The following MSRA variants were observed in gnomAD, a reference collection of about 807,000 sequenced individuals.
MSRA encodes the protein mitochondrial peptide methionine sulfoxide reductase.
MSRA carries 54 observed loss-of-function variants against 31.3 expected under a neutral mutation model. The ratio of observed to expected loss-of-function variants is 1.73; its 90% CI spans 1.39 to 2.17. MSRA has a LOEUF of 2.17. Ranked by LOEUF, MSRA falls within the 30% of genes most tolerant of loss-of-function variation. The pLI is 0.00. For synonymous variants in MSRA, 169 were observed against 116.5 expected (o/e 1.45, Z -2.90); for missense variants, 507 against 300.9 (o/e 1.69, Z -5.07).
chr8:10,398,313 T>C (rs1204472452), intron 5 of MSRA, among the ~76,000 whole-genome samples: 1 of 152,230 alleles, frequency 6.6e-6, no homozygotes, highest in Non-Finnish European at 1.5e-5. Context: ...AGGGCTGGAT[T>C]CTGCCTTTAT....
At chr8:10,170,042 ATTT>A (rs59946635) in intron 1 of MSRA, among the ~76,000 whole-genome samples, 1 of 90,380 alleles carries the variant, frequency 1.1e-5, no homozygotes, top group Non-Finnish European at 2.2e-5. Flanking sequence ...CCTGGCTAAT[ATTT>A]TTTTTTTTTT....
chr8:10,102,744 A>T (rs1300293074), intron 1 of MSRA, among the ~76,000 whole-genome samples: 1 of 152,150 alleles, frequency 6.6e-6, no homozygotes, highest in Non-Finnish European at 1.5e-5. Flanking sequence ...CTTCTCTGAC[A>T]CTGTGCTAGC....
At chr8:10,083,474 T>C (rs1798391255) in intron 1 of MSRA, among the ~76,000 whole-genome samples, 1 of 152,212 alleles carries the variant, frequency 6.6e-6, no homozygotes, top group Non-Finnish European at 1.5e-5. Context: ...ATATTTGATA[T>C]CCACGGAAAT....
chr8:10,247,474 G>T (rs573968057), intron 3 of MSRA, among the ~76,000 whole-genome samples: 1 of 152,110 alleles, frequency 6.6e-6, no homozygotes, highest in Non-Finnish European at 1.5e-5. Flanking sequence ...AATTATATTA[G>T]TGTGCTTTTA....
In MSRA at chr8:10,085,686, T is replaced by C. The variant is rs552095076; in HGVS notation, c.142+31028T>C. 1.3e-3 allele frequency among the ~76,000 whole-genome samples: 192 copies of C among 152,362 alleles called. 1 individual carries two copies. Among genetic ancestry groups the C allele is most frequent in the Non-Finnish European group, 2.0e-3 (133 of 68,030 alleles). On this transcript the variant is annotated intron_variant, in intron 1 of 5. Transcript: ENST00000317173. Reference sequence around the variant, plus strand: ...GTTTGTACAGTTGTGAAACCATCAATGCTGTCCAGTTTTAGAACACTGTCA... The same window carrying C: ...GTTTGTACAGTTGTGAAACCATCAACGCTGTCCAGTTTTAGAACACTGTCA...
At chr8:10,207,962 T>A in intron 2 of MSRA, 61 bp downstream of exon 2, 1 of 1,404,562 alleles carries the variant, frequency 7.1e-7, no homozygotes, top group South Asian at 1.3e-5. Context: ...CCAAATTTCT[T>A]AGTTTTAGCA....
chr8:10,073,291 C>T (rs1247148514), intron 1 of MSRA, among the ~76,000 whole-genome samples: 1 of 152,114 alleles, frequency 6.6e-6, no homozygotes, highest in African/African-American at 2.4e-5. Context: ...GGTAGTTCCT[C>T]TTTATTCCTA....
intron 5 of MSRA, among the ~76,000 whole-genome samples, chr8:10,333,555 C>G (rs919546731): frequency 6.6e-6 from 1 of 152,142 alleles, no homozygotes; most frequent in Non-Finnish European, 1.5e-5. Flanking sequence ...GTTGACCTGT[C>G]TAAGCCTAGG....
At chr8:10,226,144 C>T (rs929516683) in intron 2 of MSRA, among the ~76,000 whole-genome samples, 2 of 152,188 alleles carry the variant, frequency 1.3e-5, no homozygotes, top group Non-Finnish European at 2.9e-5. Flanking sequence ...ATTTCTACAG[C>T]AGGTGACTGT....
At chr8:10,282,781 C>G (rs938326469) in intron 3 of MSRA, among the ~76,000 whole-genome samples, 7 of 152,134 alleles carry the variant, frequency 4.6e-5, no homozygotes, top group African/African-American at 1.7e-4. Flanking sequence ...TATCAGTGCA[C>G]CTTCTTGACA....
intron 2 of MSRA, among the ~76,000 whole-genome samples, chr8:10,211,705 T>C (rs1453666208): frequency 6.6e-6 from 1 of 152,100 alleles, no homozygotes; most frequent in Non-Finnish European, 1.5e-5. Flanking sequence ...GGCCGAGGCT[T>C]CCTCAGGTAT....
intron 1 of MSRA, among the ~76,000 whole-genome samples, chr8:10,111,273 C>T (rs920831284): frequency 1.3e-5 from 2 of 152,132 alleles, no homozygotes; most frequent in African/African-American, 4.8e-5. Flanking sequence ...TTCGGGTCTC[C>T]AGAGCACTTA....
intron 4 of MSRA, among the ~76,000 whole-genome samples, chr8:10,309,327 G>T (rs556528113): frequency 6.6e-6 from 1 of 152,272 alleles, no homozygotes; most frequent in African/African-American, 2.4e-5. Context: ...GGAGCCTGCC[G>T]TGCAGAGCGT....
At chr8:10,151,261 CAAAAAA>C (rs34388218) in intron 1 of MSRA, among the ~76,000 whole-genome samples, 116 of 109,134 alleles carry the variant, frequency 1.1e-3, no homozygotes, top group African/African-American at 3.2e-3. Flanking sequence ...GAGTCTGTCT[CAAAAAA>C]AAAAAAAAAA....
chr8:10,347,916 G>T (rs914150813), intron 5 of MSRA, among the ~76,000 whole-genome samples: 3 of 152,190 alleles, frequency 2.0e-5, no homozygotes, highest in Non-Finnish European at 2.9e-5. Flanking sequence ...ACTACGCTGT[G>T]CTGTAGTGAT....
chr8:10,101,035 A>G (rs984312237), intron 1 of MSRA, among the ~76,000 whole-genome samples: 14 of 152,246 alleles, frequency 9.2e-5, no homozygotes, highest in Admixed American at 7.2e-4. Context: ...TCAAAGACCC[A>G]GGAGTGTTTC....
intron 5 of MSRA, among the ~76,000 whole-genome samples, chr8:10,425,090 C>T (rs999456609): frequency 2.6e-5 from 4 of 151,920 alleles, no homozygotes; most frequent in African/African-American, 9.7e-5. Context: ...TCCCTTTCCC[C>T]TTCTTTCGCA....
intron 1 of MSRA, among the ~76,000 whole-genome samples, chr8:10,153,212 A>G (rs982811119): frequency 6.6e-6 from 1 of 152,200 alleles, no homozygotes; most frequent in African/African-American, 2.4e-5. Context: ...TTAAGGATAG[A>G]CAGCAGATGG....
chr8:10,299,782 A>G (rs1485464988), intron 3 of MSRA, among the ~76,000 whole-genome samples: 1 of 152,226 alleles, frequency 6.6e-6, no homozygotes, highest in East Asian at 1.9e-4. Context: ...TGCCAATGGA[A>G]AGAGAAAACT....
Sources: allele counts gnomAD v4.1 joint callset (sites outside exome capture counted in the v4.1 genomes callset), GRCh38; gene constraint gnomAD v4.1.1; transcripts MANE v1.5; gene names NCBI Gene and HGNC (gene_info 2026-07-23, HGNC 2026-07-21).